Variants in KIF19 observed in about 807,000 individuals in gnomAD.
The protein encoded by KIF19 is kinesin-like protein KIF19.
In KIF19, 98 loss-of-function variants were observed where a neutral mutation model predicts 106.6. That is an observed-to-expected ratio of 0.92 (90% CI 0.78 to 1.09). The LOEUF (loss-of-function observed/expected upper bound fraction) is 1.09. Among genes scored for constraint, KIF19 ranks in the 50% least tolerant of loss-of-function variants. The probability of loss-of-function intolerance (pLI) is 0.00; values close to 1 mark genes in which losing one functional copy is unlikely to be tolerated. For missense variants in KIF19, 1,373 were observed against 1,414.3 expected (o/e 0.97, Z 0.47); for synonymous variants, 516 against 584.2 (o/e 0.88, Z 1.68).
intron 16 of KIF19, 77 bp downstream of exon 16, chr17:74,353,378 G>A: frequency 6.9e-7 from 1 of 1,450,914 alleles, no homozygotes; most frequent in Non-Finnish European, 9.5e-7. Context: ...AGCAGCAGTT[G>A]GGATGGACCC....
rs2054533384 is a variant in KIF19, at chr17:74,346,449, C to T, written c.849C>T (p.Cys283=). Reference sequence around the variant, plus strand: ...GCTCACTGCTGGCACTGGGCAACTGCATCAACGCCCTGAGCGACAAGGGTA... The same window carrying T: ...GCTCACTGCTGGCACTGGGCAACTGTATCAACGCCCTGAGCGACAAGGGTA... The part of the protein sequence containing the change: ...INRSLLALGN[C]INALSDKGSN... The change falls in exon 8 of 20, where the codon TGC becomes TGT. Residue 283 remains cysteine, a synonymous_variant. Transcript: ENST00000389916. This position sits in a 1 kb window ranked among gnomAD's most constrained non-coding sequence, Gnocchi z 4.6. The T allele has an allele frequency of 5.8e-6, 9 of 1,564,618 alleles. No homozygotes were observed. Among genetic ancestry groups the T allele is most frequent in the Non-Finnish European group, 6.9e-6 (8 of 1,154,772 alleles).
intron 2 of KIF19, among the ~76,000 whole-genome samples, chr17:74,332,205 TGTGTTTGTGTGTGTG>T (rs1567897538): frequency 2.4e-4 from 13 of 54,674 alleles, no homozygotes; most frequent in South Asian, 6.6e-4. Flanking sequence ...TGTGTGTGTG[TGTGTTTGTGTGTGTG>T]TGTGTGTGTG....
chr17:74,344,281 G>A lies in KIF19; in HGVS notation c.515G>A (p.Arg172Gln), dbSNP rs773986695. 18 of 1,612,862 alleles carry A rather than the reference G, an allele frequency of 1.1e-5. No individual in the cohort carries two copies. The highest frequency in any genetic ancestry group is 6.7e-5 in the East Asian group (3 of 44,878). The change falls in exon 6 of 20, where the codon CGG becomes CAG. Residue 172 changes from arginine to glutamine, a missense_variant. Physicochemically the swap from Arg to Gln is conservative, Grantham distance 43 (BLOSUM62 1). Transcript: ENST00000389916. ...LNPSLGYLEL[R>Q]EDSKGVIQVA... ...CCCTCCCTGGGCTACCTGGAGCTGC[G>A]GGAGGACTCTAAGGGGGTGATCCAG...
intron 5 of KIF19, among the ~76,000 whole-genome samples, chr17:74,343,576 C>A (rs1163178314): frequency 6.6e-6 from 1 of 152,260 alleles, no homozygotes; most frequent in Non-Finnish European, 1.5e-5. Flanking sequence ...GTGCCCACCC[C>A]ATGGGAGTGC....
In KIF19 at chr17:74,354,531, C is replaced by A; in HGVS notation, c.2678C>A (p.Ser893Tyr). 1 of 1,600,248 alleles carries A rather than the reference C, an allele frequency of 6.2e-7. No homozygotes were observed. ...SLEAKRRKRRSRSFEVTGQGL... is the reference protein window; with the variant it reads ...SLEAKRRKRRYRSFEVTGQGL... ...GAGGCAAAGAGAAGGAAGCGGAGGT[C>A]CCGATCCTTCGAGGTCACCGGGCAA... The change falls in exon 18 of 20, where the codon TCC becomes TAC. Residue 893 changes from serine to tyrosine, a missense_variant. Ser to Tyr is a moderately radical substitution (Grantham distance 144). Transcript: ENST00000389916.
At chr17:74,335,799 G>T (rs877791) in intron 2 of KIF19, among the ~76,000 whole-genome samples, 52,626 of 152,156 alleles carry the variant, frequency 0.35, 9,781 homozygotes, top group Admixed American at 0.52. Flanking sequence ...TCCCCGGGGG[G>T]GCTGTGAGAG....
At chr17:74,345,745 C>T (rs1016739893) in intron 7 of KIF19, among the ~76,000 whole-genome samples, 1 of 152,164 alleles carries the variant, frequency 6.6e-6, no homozygotes, top group Non-Finnish European at 1.5e-5. Flanking sequence ...CGGATCCGAA[C>T]AGGGCAGGTT....
chr17:74,352,631 C>A (rs1246294635), intron 14 of KIF19, among the ~76,000 whole-genome samples, 190 bp from the exon 15 acceptor site: 1 of 152,202 alleles, frequency 6.6e-6, no homozygotes, highest in Non-Finnish European at 1.5e-5. Flanking sequence ...GACCAAGCAT[C>A]AGGCAGTGCC....
intron 8 of KIF19, among the ~76,000 whole-genome samples, chr17:74,347,083 T>C (rs2054553434): frequency 6.6e-6 from 1 of 152,218 alleles, no homozygotes; most frequent in African/African-American, 2.4e-5. Context: ...GTAATGTTCC[T>C]AAGGGCTCAC....
chr17:74,341,059 G>C (rs1480343285), intron 2 of KIF19, among the ~76,000 whole-genome samples: 1 of 152,228 alleles, frequency 6.6e-6, no homozygotes, highest in Non-Finnish European at 1.5e-5. Flanking sequence ...GTGAGGCCGG[G>C]TGTGGTGGCT....
intron 2 of KIF19, chr17:74,328,708 C>T: frequency 1.9e-6 from 1 of 531,162 alleles, no homozygotes; most frequent in Middle Eastern, 2.8e-4. Flanking sequence ...GATCCAAGGA[C>T]AACTGGGAGC....
At position 74,349,234 on chromosome 17, in the gene KIF19, C is replaced by T; in HGVS notation, c.1098C>T (p.Ser366=). 6.2e-7 allele frequency: 1 copy of T among 1,613,826 alleles called. No homozygotes were observed. Among genetic ancestry groups the T allele is most frequent in the Non-Finnish European group, 8.5e-7 (1 of 1,179,876 alleles). ...CCTACCACATCGCCCAGTACACCAG[C>T]ATCATCGCTGACCTGCGGGGCGAGA... ...NVSYHIAQYT[S]IIADLRGEIQ... is the part of the protein sequence containing the mutation. The change falls in exon 10 of 20, where the codon AGC becomes AGT. Residue 366 remains serine (S), a synonymous_variant. Transcript: ENST00000389916.
intron 12 of KIF19, 117 bp from the exon 13 acceptor site, chr17:74,351,750 C>G: frequency 8.3e-7 from 1 of 1,197,646 alleles, no homozygotes; most frequent in African/African-American, 1.6e-5. Context: ...GGGTTGGCCT[C>G]AGGCTGGAGC....
At chr17:74,349,638 C>T (rs1472860484) in intron 10 of KIF19, among the ~76,000 whole-genome samples, 1 of 152,188 alleles carries the variant, frequency 6.6e-6, no homozygotes, top group Non-Finnish European at 1.5e-5. Flanking sequence ...GCAGGGCGCA[C>T]ACTAAGGGCT....
At chr17:74,349,822 A>G (rs1176301515) in intron 10 of KIF19, among the ~76,000 whole-genome samples, 2 of 149,922 alleles carry the variant, frequency 1.3e-5, no homozygotes, top group African/African-American at 4.9e-5. Context: ...TTTTTGAGAC[A>G]GAGTCTTGCT....
chr17:74,344,458 G>A, intron 6 of KIF19, 110 bp downstream of exon 6: 3 of 1,479,664 alleles, frequency 2.0e-6, no homozygotes, highest in Non-Finnish European at 2.7e-6. Flanking sequence ...GCTGAGGCTG[G>A]GACAGACAGG....
chr17:74,332,086 G>A (rs956478979), intron 2 of KIF19, among the ~76,000 whole-genome samples: 1 of 151,988 alleles, frequency 6.6e-6, no homozygotes, highest in African/African-American at 2.4e-5. Context: ...GGATGGCTTC[G>A]GGTCCCAGAG....
chr17:74,345,121 G>A (rs1303376476), intron 7 of KIF19, among the ~76,000 whole-genome samples, 166 bp downstream of exon 7: 2 of 152,216 alleles, frequency 1.3e-5, no homozygotes, highest in African/African-American at 2.4e-5. Flanking sequence ...GAGTTGGAGC[G>A]GGGAGGATGT....
In KIF19 at chr17:74,350,541, A is replaced by G; in HGVS notation, c.1354A>G (p.Ile452Val). Residue 452 changes from isoleucine to valine, a missense_variant, in exon 11 of 20, where the codon ATT (isoleucine) becomes GTT (valine). Transcript: ENST00000389916. ...ELENRAMEVQ[I>V]DTSRHLLTIA... ...GGAGAACCGCGCCATGGAGGTCCAG[A>G]TTGACACCTCCCGACACCTGCTCAC... 6.2e-7 allele frequency: 1 copy of G among 1,612,976 alleles called. No individual in the cohort carries two copies.
Sources: gnomAD v4.1 joint callset for allele counts (sites outside exome capture counted in the v4.1 genomes callset) on GRCh38, gnomAD v4.1.1 for gene constraint, Gnocchi (gnomAD v3.1) non-coding constraint, MANE v1.5 for transcripts, NCBI Gene and HGNC (gene_info 2026-07-23, HGNC 2026-07-21) for gene names.